BBX: variants seen among roughly 807,000 people sequenced by gnomAD.
The protein encoded by BBX is BBX high mobility group box domain containing.
Under a neutral mutation model 100.2 loss-of-function variants are expected in BBX, and 30 were observed. The observed-to-expected ratio is 0.30, with a 90% CI of 0.22 to 0.41. The LOEUF (loss-of-function observed/expected upper bound fraction) is 0.41, where lower values mean the gene tolerates loss of function less well. BBX is among the 10% of genes least tolerant of loss of function. The pLI is 1.00. For synonymous variants in BBX, 376 were observed against 388.1 expected, an observed-to-expected ratio of 0.97 and a Z score of 0.37; for missense variants, 1,023 against 1,129.8, an observed-to-expected ratio of 0.91 and a Z score of 1.35.
chr3:107,743,926 T>G (rs1187359240), intron 7 of BBX, among the ~76,000 whole-genome samples: 1 of 148,008 alleles, frequency 6.8e-6, no homozygotes, highest in Admixed American at 6.7e-5. Flanking sequence ...TGGTTTTTTT[T>G]TTTTTTTTTT....
In BBX at chr3:107,805,933, A is replaced by T. The variant is rs1217469334; in HGVS notation, c.*476A>T. 6.3e-6 allele frequency: 1 copy of T among 157,810 alleles called. No homozygotes were observed. The highest frequency in any genetic ancestry group is 1.4e-5 in the Non-Finnish European group (1 of 71,372). The allele number at this position is 157,810 out of a possible 1,614,324, so 9.8% of individuals were successfully genotyped here. A position where few individuals can be genotyped will look rare whatever the true frequency, so the allele number is the denominator to read the frequency against. On this transcript the variant is annotated 3_prime_UTR_variant, in exon 18 of 18. Coordinates refer to ENST00000325805, the MANE Select transcript of BBX (RefSeq NM_001142568.3). Reference sequence around the variant, plus strand: ...TTTTGTACATGGAGATTTAAGTTTAAGATGGTTTATATAATAGGTTATACC... The same window carrying T: ...TTTTGTACATGGAGATTTAAGTTTATGATGGTTTATATAATAGGTTATACC...
chr3:107,633,072 A>G (rs1262205709), intron 2 of BBX, among the ~76,000 whole-genome samples: 1 of 152,176 alleles, frequency 6.6e-6, no homozygotes, highest in Non-Finnish European at 1.5e-5. Flanking sequence ...TGTACAGTTA[A>G]TGAGTATAAC....
At chr3:107,717,169 T>C (rs553463229) in intron 5 of BBX, among the ~76,000 whole-genome samples, 18 of 152,306 alleles carry the variant, frequency 1.2e-4, no homozygotes, top group African/African-American at 4.1e-4. Flanking sequence ...TGAATGGTGA[T>C]TTGTTTATTT....
intron 2 of BBX, among the ~76,000 whole-genome samples, chr3:107,624,382 A>ATCC (rs748303184): frequency 2.0e-5 from 3 of 152,054 alleles, no homozygotes; most frequent in Non-Finnish European, 4.4e-5. Flanking sequence ...TTTTTTTGGA[A>ATCC]TCCTTTTTGC....
intron 10 of BBX, among the ~76,000 whole-genome samples, chr3:107,772,158 C>T (rs2066957317): frequency 6.6e-6 from 1 of 152,250 alleles, no homozygotes; most frequent in Non-Finnish European, 1.5e-5. Flanking sequence ...GGATATTCAG[C>T]CTGTGCTACA....
intron 3 of BBX, among the ~76,000 whole-genome samples, chr3:107,709,815 AT>A (rs1156871784): frequency 6.6e-6 from 1 of 152,244 alleles, no homozygotes; most frequent in African/African-American, 2.4e-5. Flanking sequence ...GTAATTCAGA[AT>A]TTTAGGCTTC....
chr3:107,680,668 A>C (rs533063676), intron 3 of BBX, among the ~76,000 whole-genome samples: 87 of 152,294 alleles, frequency 5.7e-4, no homozygotes, highest in Admixed American at 1.0e-3. Context: ...AGTTTTTAAA[A>C]GCTTCTTCGA....
intron 3 of BBX, among the ~76,000 whole-genome samples, chr3:107,678,653 G>A (rs1277134421): frequency 1.3e-5 from 2 of 152,040 alleles, no homozygotes; most frequent in Non-Finnish European, 2.9e-5. Flanking sequence ...GAGCCCAGAA[G>A]GTCAAGCTAC....
intron 3 of BBX, among the ~76,000 whole-genome samples, chr3:107,705,109 A>C (rs2061316171): frequency 6.6e-6 from 1 of 152,134 alleles, no homozygotes; most frequent in Non-Finnish European, 1.5e-5. Context: ...TTTGTGTGGA[A>C]GTACTAGAGT....
At chr3:107,579,934 A>G (rs912900134) in intron 2 of BBX, among the ~76,000 whole-genome samples, 5 of 152,186 alleles carry the variant, frequency 3.3e-5, no homozygotes, top group African/African-American at 1.2e-4. Flanking sequence ...TTTTAAGAAC[A>G]CAAGTTGGCA....
chr3:107,545,100 A>G (rs2049137826), intron 2 of BBX, among the ~76,000 whole-genome samples: 1 of 152,216 alleles, frequency 6.6e-6, no homozygotes, highest in Non-Finnish European at 1.5e-5. Context: ...GTTTATTGAC[A>G]AAAGTCTTTA....
In BBX at chr3:107,811,070, C is replaced by G. The variant is rs778414689; in HGVS notation, c.*5613C>G. 16 of 152,138 alleles carry G rather than the reference C, an allele frequency of 1.1e-4. No individual in the cohort carries two copies. The highest frequency in any genetic ancestry group is 2.1e-4 in the Non-Finnish European group (14 of 68,020). 9.4% of individuals were successfully genotyped at this position (152,138 alleles called of 1,614,324 possible). On this transcript the variant is annotated 3_prime_UTR_variant, in exon 18 of 18. Transcript: ENST00000325805. Reference sequence around the variant, plus strand: ...ATATACACATTTATATAATTTCTTTCTTCAAAATCTTATACCTAATTTGAT... The same window carrying G: ...ATATACACATTTATATAATTTCTTTGTTCAAAATCTTATACCTAATTTGAT...
At chr3:107,727,974 C>T (rs529376683) in intron 5 of BBX, among the ~76,000 whole-genome samples, 7 of 152,142 alleles carry the variant, frequency 4.6e-5, no homozygotes, top group East Asian at 3.9e-4. Flanking sequence ...TTTTGTTTCA[C>T]GTTATTGTCA....
At chr3:107,549,869 CTTT>C (rs34639576) in intron 2 of BBX, among the ~76,000 whole-genome samples, 8 of 135,000 alleles carry the variant, frequency 5.9e-5, no homozygotes, top group African/African-American at 8.2e-5. Flanking sequence ...TTGTTCTTAC[CTTT>C]TTTTTTTTTT....
chr3:107,543,893 G>A (rs984812448), intron 2 of BBX, among the ~76,000 whole-genome samples: 1 of 152,224 alleles, frequency 6.6e-6, no homozygotes, highest in African/African-American at 2.4e-5. Flanking sequence ...TAACTGATTT[G>A]TGTACTGCGA....
rs751793441 is a variant in BBX, at chr3:107,805,333, G to T, written c.2739-37G>T. On this transcript the variant is annotated intron_variant, in intron 17 of 17. Transcript: ENST00000325805. ...TCCTCTCCTGTCTCTAATAACATAT[G>T]CTGAATAAGTGACTTTTTCTTCCTT... 2.1e-5 allele frequency: 33 copies of T among 1,586,560 alleles called. No homozygotes were observed. In the Middle Eastern group the frequency reaches 5.1e-4, roughly 24 times the overall value.
chr3:107,798,508 T>A lies in BBX; in HGVS notation c.2354-15T>A. The A allele has an allele frequency of 6.2e-7, 1 of 1,610,458 alleles. No homozygotes were observed. On this transcript the variant is annotated splice_polypyrimidine_tract_variant and intron_variant, in intron 15 of 17. Coordinates refer to ENST00000325805, the MANE Select transcript of BBX (RefSeq NM_001142568.3). ...TGTTTTTGTGCATAACTATGCATGG[T>A]ATTTCCTATTTCAGCCATATTTTCA...
rs1001357504 is a variant in BBX, at chr3:107,810,701, C to T, written c.*5244C>T. On this transcript the variant is annotated 3_prime_UTR_variant, in exon 18 of 18. Coordinates refer to ENST00000325805, the MANE Select transcript of BBX (RefSeq NM_001142568.3). ...TGGAGCTCAGCAACTGGCTCAGCAA[C>T]GTTTTCTCCATTTCATTAGCACTAA... 1.3e-5 allele frequency: 2 copies of T among 152,210 alleles called. No individual in the cohort carries two copies. The highest frequency in any genetic ancestry group is 4.8e-5 in the African/African-American group (2 of 41,440). The allele number at this position is 152,210 out of a possible 1,614,324, so 9.4% of individuals were successfully genotyped here. A position where few individuals can be genotyped will look rare whatever the true frequency, so the allele number is the denominator to read the frequency against.
intron 2 of BBX, among the ~76,000 whole-genome samples, chr3:107,575,769 C>T (rs1576361634): frequency 1.3e-5 from 2 of 152,018 alleles, no homozygotes; most frequent in Non-Finnish European, 2.9e-5. Context: ...AGTAGTATCT[C>T]AAAAGTTTTA....
Sources: allele counts gnomAD v4.1 joint callset (sites outside exome capture counted in the v4.1 genomes callset), GRCh38; gene constraint gnomAD v4.1.1; transcripts MANE v1.5; gene names NCBI Gene and HGNC (gene_info 2026-07-23, HGNC 2026-07-21).